Variants in MOCS2 observed in about 807,000 individuals in gnomAD.
The protein encoded by MOCS2 is molybdopterin synthase catalytic subunit.
MOCS2 carries 13 observed loss-of-function variants against 21.9 expected under a neutral mutation model. That is an observed-to-expected ratio of 0.59 (90% CI 0.39 to 0.94). The LOEUF is 0.94. Among genes scored for constraint, MOCS2 ranks in the 40% least tolerant of loss-of-function variants. The pLI is 0.00. For missense variants in MOCS2, 227 were observed against 218.3 expected, an observed-to-expected ratio of 1.04 and a Z score of -0.25; for synonymous variants, 92 against 80.8, an observed-to-expected ratio of 1.14 and a Z score of -0.74.
At chr5:53,108,782 A>G in intron 1 of MOCS2, 139 bp from the exon 2 acceptor site, 1 of 861,548 alleles carries the variant, frequency 1.2e-6, no homozygotes, top group Non-Finnish European at 1.7e-6. Flanking sequence ...ACCCGTAAAA[A>G]ATTTCAGTAT....
chr5:53,102,440 G>A (rs1740939937), intron 3 of MOCS2, among the ~76,000 whole-genome samples: 1 of 152,054 alleles, frequency 6.6e-6, no homozygotes, highest in Admixed American at 6.6e-5. Context: ...GCACTCCCTC[G>A]GCCTTTGTTG....
At chr5:53,103,518 C>T (rs1740973251) in intron 3 of MOCS2, among the ~76,000 whole-genome samples, 1 of 152,106 alleles carries the variant, frequency 6.6e-6, no homozygotes, top group African/African-American at 2.4e-5. Context: ...GAATGAACTG[C>T]ACACTTACTT....
At position 53,097,903 on chromosome 5, in the gene MOCS2, T is replaced by C. The variant is rs1289402263; in HGVS notation, c.*699A>G. 1 of 152,222 alleles carries C rather than the reference T, an allele frequency of 6.6e-6. No individual in the cohort carries two copies. Among genetic ancestry groups the C allele is most frequent in the Non-Finnish European group, 1.5e-5 (1 of 68,052 alleles). The allele number at this position is 152,222 out of a possible 1,614,324, so 9.4% of individuals were successfully genotyped here. ...CAACACAAACCACCTTGTTGCTAGT[T>C]AGCTTTATGACAATTTTGTGCTGAT... On this transcript the variant is annotated 3_prime_UTR_variant, in exon 7 of 7. Coordinates refer to ENST00000396954, the MANE Select transcript of MOCS2 (RefSeq NM_004531.5).
rs753911571 is a variant in MOCS2 at position 53,107,225 on chromosome 5, A to G, written c.-47-4T>C. The G allele has an allele frequency of 6.2e-7, 1 of 1,610,724 alleles. No homozygotes were observed. Among genetic ancestry groups the G allele is most frequent in the Non-Finnish European group, 8.5e-7 (1 of 1,178,294 alleles). The stretch of plus-strand genomic sequence containing the variant: ...CTGATTTCTAACATCAGCCAATCTA[A>G]AGGGGAAAAAATATGACTCAAAGTA... On this transcript the variant is annotated splice_region_variant and splice_polypyrimidine_tract_variant and intron_variant, in intron 2 of 6. Coordinates refer to ENST00000396954, the MANE Select transcript of MOCS2 (RefSeq NM_004531.5).
chr5:53,105,435 A>C (rs1371749983), intron 3 of MOCS2, among the ~76,000 whole-genome samples: 1 of 152,164 alleles, frequency 6.6e-6, no homozygotes, highest in African/African-American at 2.4e-5. Flanking sequence ...ACCTACAACT[A>C]TCTGATCTTC....
chr5:53,101,453 A>G lies in MOCS2; in HGVS notation c.283T>C (p.Tyr95His). ...KKVISLEYEA[Y>H]LPMAENEVRK... The stretch of plus-strand genomic sequence containing the variant: ...ACTTCATTTTCCGCCATGGGTAGAT[A>G]TGCTTCATATTCTAAGCTAATGACT... Residue 95 changes from tyrosine to histidine, a missense_variant, in exon 5 of 7, where the codon TAT becomes CAT. Coordinates refer to ENST00000396954, the MANE Select transcript of MOCS2 (RefSeq NM_004531.5). 1 of 1,612,822 alleles carries G rather than the reference A, an allele frequency of 6.2e-7. No individual in the cohort carries two copies. Among genetic ancestry groups the G allele is most frequent in the Non-Finnish European group, 8.5e-7 (1 of 1,179,018 alleles).
In MOCS2 at chr5:53,107,220, A is replaced by G. The variant is rs1428544124; in HGVS notation, c.-46T>C. 2.5e-6 allele frequency: 4 copies of G among 1,612,296 alleles called. No homozygotes were observed. The East Asian group carries it at 6.7e-5, about 27-fold the overall frequency. On this transcript the variant is annotated splice_region_variant and 5_prime_UTR_variant, in exon 3 of 7. Transcript: ENST00000396954. ...ATTATCTGATTTCTAACATCAGCCA[A>G]TCTAAAGGGGAAAAAATATGACTCA... is the stretch of plus-strand genomic sequence containing the variant.
At chr5:53,107,803 G>T (rs181996295) in intron 2 of MOCS2, 1 of 152,966 alleles carries the variant, frequency 6.5e-6, no homozygotes, top group Admixed American at 6.5e-5. Flanking sequence ...AAGCAGAATG[G>T]GAGACCCCAC....
At position 53,098,284 on chromosome 5, in the gene MOCS2, G is replaced by A. The variant is rs1389569632; in HGVS notation, c.*318C>T. On this transcript the variant is annotated 3_prime_UTR_variant, in exon 7 of 7. Coordinates refer to ENST00000396954, the MANE Select transcript of MOCS2 (RefSeq NM_004531.5). ...TTTCTGAGCTAGTTAAAGTCACTGA[G>A]GAGGGCCCATACCTCAATGTGTGTT... 4 of 324,574 alleles carry A rather than the reference G, an allele frequency of 1.2e-5. No homozygotes were observed. In the East Asian group the frequency reaches 2.5e-4, roughly 20 times the overall value. 20.1% of individuals were successfully genotyped at this position (324,574 alleles called of 1,614,324 possible).
At position 53,102,189 on chromosome 5, in the gene MOCS2, T is replaced by G; in HGVS notation, c.134A>C (p.Asp45Ala). Residue 45 changes from aspartate to alanine, a missense_variant, in exon 4 of 7, where the codon GAT (aspartate) becomes GCT (alanine). Physicochemically the swap from Asp to Ala is moderately radical, Grantham distance 126 (BLOSUM62 -2). Transcript: ENST00000396954. ...TTTCTCGGCAGTAAAGTTTATAACA[T>G]CTTTAGATTTCTCTTCAACTTCATC... ...DMDEVEEKSK[D>A]VINFTAEKLS... The G allele has an allele frequency of 6.2e-7, 1 of 1,612,026 alleles. No individual in the cohort carries two copies. The highest frequency in any genetic ancestry group is 8.5e-7 in the Non-Finnish European group (1 of 1,178,338).
At position 53,109,638 on chromosome 5, in the gene MOCS2, G is replaced by A. The variant is rs1741154714; in HGVS notation, c.-557C>T. The A allele has an allele frequency of 1.9e-6, 3 of 1,544,530 alleles. No homozygotes were observed. Among genetic ancestry groups the A allele is most frequent in the Middle Eastern group, 1.8e-4 (1 of 5,658 alleles). ...TCCGACTGACCAAGGCTGGGTATGT[G>A]GAGGGAAAGGGCGGGAGAGACACGT... On this transcript the variant is annotated 5_prime_UTR_variant, in exon 1 of 7. Coordinates refer to ENST00000396954, the MANE Select transcript of MOCS2 (RefSeq NM_004531.5).
At chr5:53,106,498 T>C (rs1741052466) in intron 3 of MOCS2, among the ~76,000 whole-genome samples, 1 of 152,016 alleles carries the variant, frequency 6.6e-6, no homozygotes, top group Non-Finnish European at 1.5e-5. Flanking sequence ...AGATAAATAT[T>C]GAGTACACAT....
In MOCS2 at chr5:53,097,178, C is replaced by T. The variant is rs940251540; in HGVS notation, c.*1424G>A. On this transcript the variant is annotated 3_prime_UTR_variant, in exon 7 of 7. Transcript: ENST00000396954. ...GTTTGTCTGCCCTTCCAGTATCCTT[C>T]TGGCCCAATCTCTCCAGACGGACTA... 6.6e-6 allele frequency: 1 copy of T among 152,258 alleles called. No individual in the cohort carries two copies. The highest frequency in any genetic ancestry group is 6.5e-5 in the Admixed American group (1 of 15,286). 9.4% of individuals were successfully genotyped at this position (152,258 alleles called of 1,614,324 possible). A position where few individuals can be genotyped will look rare whatever the true frequency, so the allele number is the denominator to read the frequency against.
intron 6 of MOCS2, 173 bp from the exon 7 acceptor site, chr5:53,098,840 CTTTAGT>C: frequency 1.6e-6 from 1 of 616,976 alleles, no homozygotes; most frequent in South Asian, 2.0e-5. Flanking sequence ...GACAGAAAGT[CTTTAGT>C]TTTAAACATT....
Position 53,104,102 on chromosome 5 carries a change from C to T in MOCS2, c.99-1878G>A, listed in dbSNP as rs142230683. Among the ~76,000 whole-genome samples the T allele has an allele frequency of 3.7e-3, 565 of 152,300 alleles. 5 individuals are homozygous for T. Among genetic ancestry groups the T allele is most frequent in the African/African-American group, 0.013 (543 of 41,558 alleles). Reference sequence around the variant, plus strand: ...GGAACTCACTCAAGGTGCTGAAATTCCAACCAAGGAGTACTAGTTAAGCCA... The same window carrying T: ...GGAACTCACTCAAGGTGCTGAAATTTCAACCAAGGAGTACTAGTTAAGCCA... On this transcript the variant is annotated intron_variant, in intron 3 of 6. Coordinates refer to ENST00000396954, the MANE Select transcript of MOCS2 (RefSeq NM_004531.5).
intron 2 of MOCS2, chr5:53,107,560 G>A (rs1327155700): frequency 7.5e-6 from 2 of 267,082 alleles, no homozygotes; most frequent in African/African-American, 2.2e-5. Context: ...CCTTTCCAGG[G>A]TCCTTCTATC....
rs1351322612 is a variant in MOCS2, at chr5:53,101,471, T to C, written c.265A>G (p.Ser89Gly). The stretch of plus-strand genomic sequence containing the variant: ...GGTAGATATGCTTCATATTCTAAGC[T>C]AATGACTTTTTTCCCTTCAAAGTTA... ...RNNFEGKKVISLEYEAYLPMA... is the reference protein window; with the variant it reads ...RNNFEGKKVIGLEYEAYLPMA... Residue 89 changes from serine to glycine, a missense_variant, in exon 5 of 7, where the codon AGC becomes GGC. Transcript: ENST00000396954. 2 of 1,611,346 alleles carry C rather than the reference T, an allele frequency of 1.2e-6. No individual in the cohort carries two copies. Among genetic ancestry groups the C allele is most frequent in the African/African-American group, 1.3e-5 (1 of 74,966 alleles).
chr5:53,101,689 TAAAAC>T (rs1278341218), intron 4 of MOCS2, among the ~76,000 whole-genome samples, 180 bp from the exon 5 acceptor site: 1 of 152,108 alleles, frequency 6.6e-6, no homozygotes, highest in Non-Finnish European at 1.5e-5. Context: ...ATTAGGAAAA[TAAAAC>T]AGATCTTCAC....
In MOCS2 at chr5:53,109,436, G is replaced by A; in HGVS notation, c.-355C>T. ...GGGAAAGAGGTGGTCATAAAAGGTGGAGGCGCCTTCAGAACGAGTCCGTCC... is the reference window on the plus strand; with the variant it reads ...GGGAAAGAGGTGGTCATAAAAGGTGAAGGCGCCTTCAGAACGAGTCCGTCC... On this transcript the variant is annotated 5_prime_UTR_variant, in exon 1 of 7. Transcript: ENST00000396954. The A allele has an allele frequency of 7.9e-7, 1 of 1,263,106 alleles. No individual in the cohort carries two copies. The highest frequency in any genetic ancestry group is 3.1e-5 in the South Asian group (1 of 32,476). 78.2% of individuals were successfully genotyped at this position (1,263,106 alleles called of 1,614,324 possible). A position where few individuals can be genotyped will look rare whatever the true frequency, so the allele number is the denominator to read the frequency against.
Sources: allele counts gnomAD v4.1 joint callset (sites outside exome capture counted in the v4.1 genomes callset), GRCh38; gene constraint gnomAD v4.1.1; transcripts MANE v1.5; gene names NCBI Gene and HGNC (gene_info 2026-07-23, HGNC 2026-07-21).